Variants in TTC39B observed in about 807,000 individuals in gnomAD.
The protein encoded by TTC39B is tetratricopeptide repeat protein 39B.
TTC39B carries 92 observed loss-of-function variants against 96.6 expected under a neutral mutation model. The observed-to-expected ratio is 0.95, with a 90% CI of 0.80 to 1.13. The LOEUF (loss-of-function observed/expected upper bound fraction) is 1.13. Among genes scored for constraint, TTC39B ranks in the 50% most tolerant of loss-of-function variants. The pLI is 0.00. For missense variants in TTC39B, 955 were observed against 809.3 expected (o/e 1.18, Z -2.18); for synonymous variants, 367 against 299.4 (o/e 1.23, Z -2.33).
chr9:15,305,192 C>G (rs1218399181), intron 1 of TTC39B, among the ~76,000 whole-genome samples: 1 of 152,188 alleles, frequency 6.6e-6, no homozygotes, highest in Non-Finnish European at 1.5e-5. Context: ...CAGTCTACAA[C>G]ACACTACTTC....
chr9:15,218,189 A>G (rs940434207), intron 3 of TTC39B, among the ~76,000 whole-genome samples: 3 of 151,170 alleles, frequency 2.0e-5, no homozygotes, highest in African/African-American at 7.3e-5. Context: ...AAAAAAAAAA[A>G]GCACTCCAGC....
Position 15,244,396 on chromosome 9 carries a change from C to G in TTC39B, c.276-18384G>C, listed in dbSNP as rs1003236170. 2.6e-4 allele frequency among the ~76,000 whole-genome samples: 40 copies of G among 152,218 alleles called. 1 individual carries two copies. Among genetic ancestry groups the G allele is most frequent in the Non-Finnish European group, 7.3e-5 (5 of 68,042 alleles). ...GTCACTGGCGGGCAGTGTGGCTTTGCGCCACTTCCTCACCTCAGTGGGTCT... is the reference window on the plus strand; with the variant it reads ...GTCACTGGCGGGCAGTGTGGCTTTGGGCCACTTCCTCACCTCAGTGGGTCT... On this transcript the variant is annotated intron_variant, in intron 2 of 19. Coordinates refer to ENST00000512701, the Ensembl canonical transcript of TTC39B.
chr9:15,269,999 T>C (rs1823281977), intron 1 of TTC39B, among the ~76,000 whole-genome samples: 1 of 152,056 alleles, frequency 6.6e-6, no homozygotes, highest in African/African-American at 2.4e-5. Context: ...TGAAACCCCA[T>C]TCCTACTAAA....
rs550996254 is a variant in TTC39B, at chr9:15,208,275, G to A, written c.691+1813C>T. ...CCTGACCTTGTGATCCACCCGCCTC[G>A]GCCTCCCAAAGTGCTGGGATTACAG... On this transcript the variant is annotated intron_variant, in intron 6 of 19. Coordinates refer to ENST00000512701, the Ensembl canonical transcript of TTC39B. 3.5e-4 allele frequency among the ~76,000 whole-genome samples: 53 copies of A among 151,612 alleles called. No homozygotes were observed. In the South Asian group the frequency reaches 0.01, roughly 29 times the overall value.
chr9:15,280,268 G>C (rs145389601), intron 1 of TTC39B, among the ~76,000 whole-genome samples: 29 of 152,246 alleles, frequency 1.9e-4, no homozygotes, highest in African/African-American at 6.7e-4. Flanking sequence ...CTGCTTTCCT[G>C]TAACAGTCAC....
At chr9:15,237,869 A>G (rs1428017917) in intron 2 of TTC39B, among the ~76,000 whole-genome samples, 1 of 152,224 alleles carries the variant, frequency 6.6e-6, no homozygotes, top group Non-Finnish European at 1.5e-5. Flanking sequence ...CCTGAGGAAC[A>G]CAGATGCAAA....
At chr9:15,204,416 C>G (rs1198931565) in intron 6 of TTC39B, among the ~76,000 whole-genome samples, 2 of 151,844 alleles carry the variant, frequency 1.3e-5, no homozygotes, top group Non-Finnish European at 2.9e-5. Flanking sequence ...GTAATCCCAG[C>G]TATTCGGGAG....
At chr9:15,212,301 A>G (rs1200068566) in intron 4 of TTC39B, among the ~76,000 whole-genome samples, 2 of 152,122 alleles carry the variant, frequency 1.3e-5, no homozygotes, top group African/African-American at 2.4e-5. Context: ...AAGAACCACA[A>G]GGAATCAGAG....
At chr9:15,174,134 T>C (rs754803206) in intron 19 of TTC39B, among the ~76,000 whole-genome samples, 3 of 152,232 alleles carry the variant, frequency 2.0e-5, no homozygotes, top group East Asian at 3.8e-4. Context: ...AGGCACCATG[T>C]ATCATATTAT....
intron 13 of TTC39B, 83 bp from the exon 14 acceptor site, chr9:15,188,215 A>C: frequency 1.4e-6 from 2 of 1,400,124 alleles, no homozygotes; most frequent in Non-Finnish European, 1.9e-6. Flanking sequence ...TAAAACACTT[A>C]GTACAAAAAG....
At chr9:15,239,460 G>A (rs1042442085) in intron 2 of TTC39B, among the ~76,000 whole-genome samples, 9 of 152,174 alleles carry the variant, frequency 5.9e-5, no homozygotes, top group African/African-American at 1.9e-4. Flanking sequence ...AAAGATTCCT[G>A]CACTCATATG....
At position 15,260,875 on chromosome 9, in the gene TTC39B, C is replaced by T. The variant is rs183689915; in HGVS notation, c.275+7039G>A. Among the ~76,000 whole-genome samples, 12 of 152,312 alleles carry T rather than the reference C, an allele frequency of 7.9e-5. No homozygotes were observed. In the East Asian group the frequency reaches 2.1e-3, roughly 27 times the overall value. ...AGGTAAGTACAAATTCAGAGCAGTT[C>T]TTGAAAATAGACACATACATCCCCA... On this transcript the variant is annotated intron_variant, in intron 2 of 19. Coordinates refer to ENST00000512701, the Ensembl canonical transcript of TTC39B.
chr9:15,243,297 G>A (rs1186742553), intron 2 of TTC39B, among the ~76,000 whole-genome samples: 1 of 152,210 alleles, frequency 6.6e-6, no homozygotes, highest in African/African-American at 2.4e-5. Flanking sequence ...CTGGAAATTT[G>A]AACAGATGAT....
intron 3 of TTC39B, among the ~76,000 whole-genome samples, chr9:15,220,084 C>G (rs1820761634): frequency 6.6e-6 from 1 of 152,160 alleles, no homozygotes; most frequent in Non-Finnish European, 1.5e-5. Context: ...GAACTAAACA[C>G]TTAGAATCTG....
At chr9:15,279,317 A>G (rs970540748) in intron 1 of TTC39B, among the ~76,000 whole-genome samples, 3 of 152,234 alleles carry the variant, frequency 2.0e-5, no homozygotes, top group African/African-American at 4.8e-5. Flanking sequence ...AAATGTCTCA[A>G]AAAGAGAACA....
At chr9:15,242,590 A>G (rs1026449403) in intron 2 of TTC39B, among the ~76,000 whole-genome samples, 2 of 152,152 alleles carry the variant, frequency 1.3e-5, no homozygotes, top group African/African-American at 4.8e-5. Context: ...CTCAAAAAGA[A>G]AGAAAGAAAG....
At chr9:15,267,833 T>A in intron 2 of TTC39B, 81 bp downstream of exon 2, 2 of 1,333,670 alleles carry the variant, frequency 1.5e-6, no homozygotes, top group East Asian at 2.3e-5. Context: ...CTCCAAAAAA[T>A]GAGAATGAAA....
rs185168790 is a variant in TTC39B at position 15,171,965 on chromosome 9, T to G, written c.*54A>C. 6 of 1,360,616 alleles carry G rather than the reference T, an allele frequency of 4.4e-6. No homozygotes were observed. The East Asian group carries it at 1.4e-4, about 31-fold the overall frequency. 84.3% of individuals were successfully genotyped at this position (1,360,616 alleles called of 1,614,324 possible). ...TTTTCCACTTTAATATAAGGTTGAA[T>G]CTATAGCAGATGCCGATGCTAATTG... On this transcript the variant is annotated 3_prime_UTR_variant, in exon 20 of 20. Transcript: ENST00000512701.
At chr9:15,226,479 G>A (rs1183361298) in intron 2 of TTC39B, among the ~76,000 whole-genome samples, 1 of 152,098 alleles carries the variant, frequency 6.6e-6, no homozygotes, top group Admixed American at 6.5e-5. Context: ...GCTGCTGACT[G>A]GAAATAATGA....
Sources: gnomAD v4.1 joint callset for allele counts (sites outside exome capture counted in the v4.1 genomes callset) on GRCh38, gnomAD v4.1.1 for gene constraint, MANE v1.5 for transcripts, NCBI Gene and HGNC (gene_info 2026-07-23, HGNC 2026-07-21) for gene names.